The following NREP variants were observed in gnomAD, a reference collection of about 807,000 sequenced individuals.
NREP encodes neuronal regeneration-related protein.
A neutral mutation model predicts 8.6 loss-of-function variants in NREP; 5 were observed. The observed-to-expected ratio is 0.58, with a 90% CI of 0.30 to 1.22. The LOEUF is 1.22. Ranked by LOEUF, NREP falls within the 50% of genes most tolerant of loss-of-function variation. The probability of loss-of-function intolerance (pLI) is 0.07; values close to 1 mark genes in which losing one functional copy is unlikely to be tolerated. For missense variants in NREP, 86 were observed against 82.5 expected (o/e 1.04, Z -0.17); for synonymous variants, 27 against 28.0 (o/e 0.96, Z 0.11).
At chr5:111,958,556 C>T (rs1342742935) in intron 2 of NREP, among the ~76,000 whole-genome samples, 2 of 151,980 alleles carry the variant, frequency 1.3e-5, no homozygotes, top group East Asian at 3.9e-4. Context: ...TAAAAAATTT[C>T]ATTCAAAATA....
At chr5:111,758,779 TA>T, upstream of NREP, among the ~76,000 whole-genome samples, 1 of 152,356 alleles carries the variant, frequency 6.6e-6, no homozygotes, top group Admixed American at 6.5e-5. Context: ...TAGCAAACCT[TA>T]AAAAGCAATA....
At chr5:111,743,899 A>C (rs1749835584) in intron 2 of NREP, among the ~76,000 whole-genome samples, 1 of 152,168 alleles carries the variant, frequency 6.6e-6, no homozygotes, top group African/African-American at 2.4e-5. Flanking sequence ...GCTATCCACT[A>C]AAATCTTATG....
intron 2 of NREP, among the ~76,000 whole-genome samples, chr5:111,835,862 G>T (rs1376104206): frequency 6.6e-6 from 1 of 152,088 alleles, no homozygotes. Flanking sequence ...TGACCAGAAG[G>T]TGAGTAGAAA....
chr5:111,777,027 G>A (rs1317915120), intron 2 of NREP, among the ~76,000 whole-genome samples: 2 of 150,152 alleles, frequency 1.3e-5, no homozygotes, highest in Non-Finnish European at 3.0e-5. Context: ...AGGAGGAGGA[G>A]GAAGGAGGTG....
intron 2 of NREP, among the ~76,000 whole-genome samples, chr5:111,811,773 T>A (rs1238210966): frequency 6.6e-6 from 1 of 152,178 alleles, no homozygotes; most frequent in Non-Finnish European, 1.5e-5. Flanking sequence ...AATTATTGAA[T>A]AATCACAAAG....
At chr5:111,749,600 A>T (rs967012124) in intron 2 of NREP, among the ~76,000 whole-genome samples, 1 of 152,164 alleles carries the variant, frequency 6.6e-6, no homozygotes, top group African/African-American at 2.4e-5. Flanking sequence ...CATTTTCAAT[A>T]AGTATGGTTA....
intron 2 of NREP, among the ~76,000 whole-genome samples, chr5:111,972,296 G>T (rs1756842280): frequency 6.6e-6 from 1 of 152,142 alleles, no homozygotes; most frequent in Non-Finnish European, 1.5e-5. Context: ...GTTGAATGTG[G>T]TTGGTACAGT....
At chr5:111,779,542 A>C (rs1751443344) in intron 2 of NREP, among the ~76,000 whole-genome samples, 1 of 152,202 alleles carries the variant, frequency 6.6e-6, no homozygotes, top group Non-Finnish European at 1.5e-5. Flanking sequence ...TGGAGCTATG[A>C]GAACCAGGAG....
rs1320752898 is a variant in NREP, at chr5:111,798,412, T to A, written c.136-62905A>T. 2.6e-5 allele frequency among the ~76,000 whole-genome samples: 4 copies of A among 152,220 alleles called. No homozygotes were observed. The East Asian group carries it at 7.7e-4, about 29-fold the overall frequency. On this transcript the variant is annotated intron_variant, in intron 2 of 3. Coordinates refer to the NREP transcript ENST00000395634. ...ATAGGTGTTTGGGGAACAGGTGGTA[T>A]TTGGTTACATAAGTTCTTTAGTGGT...
At chr5:111,884,935 T>C (rs1204747108) in intron 2 of NREP, among the ~76,000 whole-genome samples, 5 of 152,160 alleles carry the variant, frequency 3.3e-5, no homozygotes, top group Non-Finnish European at 7.4e-5. Context: ...TGCCCTCCCT[T>C]GCCACTCCTA....
At chr5:111,743,544 T>C (rs1749814614) in intron 2 of NREP, among the ~76,000 whole-genome samples, 1 of 152,156 alleles carries the variant, frequency 6.6e-6, no homozygotes, top group Admixed American at 6.6e-5. Context: ...TCTCCGACTT[T>C]TAAGATATAT....
intron 2 of NREP, among the ~76,000 whole-genome samples, chr5:111,840,400 G>A (rs1015256373): frequency 1.3e-5 from 2 of 152,072 alleles, no homozygotes; most frequent in East Asian, 3.9e-4. Context: ...AGCTACCATA[G>A]CCATTATGCG....
chr5:111,759,174 G>C (rs796355966), upstream of NREP, among the ~76,000 whole-genome samples: 25 of 152,288 alleles, frequency 1.6e-4, no homozygotes, highest in African/African-American at 5.5e-4. Flanking sequence ...CCAACACGCT[G>C]CTCAAGGGCA....
intron 2 of NREP, among the ~76,000 whole-genome samples, chr5:111,847,133 T>G (rs1396062694): frequency 6.6e-6 from 1 of 151,920 alleles, no homozygotes; most frequent in Non-Finnish European, 1.5e-5. Context: ...TTTTACACAC[T>G]GTCTTGGTTT....
intron 2 of NREP, among the ~76,000 whole-genome samples, chr5:111,804,099 A>G (rs566564174): frequency 6.6e-6 from 1 of 152,324 alleles, no homozygotes; most frequent in Non-Finnish European, 1.5e-5. Context: ...TGAGATGACA[A>G]AGGTAAGAGA....
At chr5:111,964,313 T>G (rs1321669418) in intron 2 of NREP, among the ~76,000 whole-genome samples, 1 of 152,216 alleles carries the variant, frequency 6.6e-6, no homozygotes, top group Non-Finnish European at 1.5e-5. Flanking sequence ...CTGTATAATA[T>G]TCCACATATT....
upstream of NREP, among the ~76,000 whole-genome samples, chr5:111,761,524 G>A (rs540870290): frequency 1.7e-3 from 260 of 152,264 alleles, 2 homozygotes; most frequent in Non-Finnish European, 3.2e-3. Context: ...CAGTGCACCA[G>A]GTACAGAACT....
At chr5:111,792,087 A>G (rs1329891404) in intron 2 of NREP, among the ~76,000 whole-genome samples, 1 of 152,210 alleles carries the variant, frequency 6.6e-6, no homozygotes, top group Non-Finnish European at 1.5e-5. Context: ...GTGTGAAGAA[A>G]CTATCTGTTT....
chr5:111,897,696 C>T (rs1754543769), intron 2 of NREP, among the ~76,000 whole-genome samples: 1 of 152,086 alleles, frequency 6.6e-6, no homozygotes, highest in Non-Finnish European at 1.5e-5. Context: ...CTTTTCCATG[C>T]TTAATGGGTT....
Sources: allele counts gnomAD v4.1 joint callset (sites outside exome capture counted in the v4.1 genomes callset), GRCh38; gene constraint gnomAD v4.1.1; transcripts MANE v1.5; gene names NCBI Gene and HGNC (gene_info 2026-07-23, HGNC 2026-07-21).